Variants in SLC24A3 observed in about 807,000 individuals in gnomAD.
SLC24A3 encodes solute carrier family 24 member 3.
A neutral mutation model predicts 75.8 loss-of-function variants in SLC24A3; 28 were observed. The ratio of observed to expected loss-of-function variants is 0.37; its 90% CI spans 0.27 to 0.51. The LOEUF is 0.51. Among genes scored for constraint, SLC24A3 ranks in the 20% least tolerant of loss-of-function variants. SLC24A3 has a pLI of 0.94. For missense variants in SLC24A3, 663 were observed against 847.8 expected (o/e 0.78, Z 2.71); for synonymous variants, 372 against 334.1 (o/e 1.11, Z -1.24).
chr20:19,704,012 C>T (rs2032901031), intron 15 of SLC24A3, among the ~76,000 whole-genome samples: 1 of 152,224 alleles, frequency 6.6e-6, no homozygotes, highest in Non-Finnish European at 1.5e-5. Context: ...CTTACCTTTA[C>T]CCCTTGGTCT....
At chr20:19,344,727 G>A (rs1475845862) in intron 2 of SLC24A3, among the ~76,000 whole-genome samples, 1 of 152,162 alleles carries the variant, frequency 6.6e-6, no homozygotes, top group African/African-American at 2.4e-5. Flanking sequence ...TGCTTCTGGA[G>A]AAATTAACTC....
At chr20:19,293,581 G>A (rs922107507) in intron 2 of SLC24A3, among the ~76,000 whole-genome samples, 12 of 151,092 alleles carry the variant, frequency 7.9e-5, no homozygotes, top group Non-Finnish European at 1.5e-5. Flanking sequence ...ACTTGAACCC[G>A]GGAGATGGAG....
chr20:19,516,898 C>A (rs1193351323), intron 3 of SLC24A3, among the ~76,000 whole-genome samples: 1 of 152,190 alleles, frequency 6.6e-6, no homozygotes, highest in East Asian at 1.9e-4. Context: ...GCTTGAAGCC[C>A]ACTTCTGCTG....
intron 4 of SLC24A3, 71 bp from the exon 5 acceptor site, chr20:19,584,900 G>A (rs542839832): frequency 4.0e-5 from 56 of 1,414,656 alleles, no homozygotes; most frequent in Non-Finnish European, 4.7e-5. Flanking sequence ...TTGGACTCTC[G>A]GGTGTCACAG....
chr20:19,522,601 C>T (rs540141255), intron 3 of SLC24A3, among the ~76,000 whole-genome samples: 1 of 152,342 alleles, frequency 6.6e-6, no homozygotes, highest in African/African-American at 2.4e-5. Context: ...GCAAACGCCA[C>T]CAAAGGCAGC....
chr20:19,380,771 T>G (rs116314503), intron 2 of SLC24A3, among the ~76,000 whole-genome samples: 6 of 152,216 alleles, frequency 3.9e-5, no homozygotes. Context: ...AGAGGTAAAC[T>G]GATGTCCAAA....
At chr20:19,331,452 T>A (rs1320982370) in intron 2 of SLC24A3, among the ~76,000 whole-genome samples, 1 of 150,826 alleles carries the variant, frequency 6.6e-6, no homozygotes, top group African/African-American at 2.4e-5. Flanking sequence ...CATAGATAGA[T>A]GATAGAGAGA....
intron 2 of SLC24A3, among the ~76,000 whole-genome samples, chr20:19,394,247 A>G (rs542108873): frequency 1.3e-5 from 2 of 152,318 alleles, no homozygotes; most frequent in East Asian, 3.9e-4. Context: ...CTAAAAATAT[A>G]AAATTCTTAG....
rs146633132 is a variant in SLC24A3, at chr20:19,670,489, A to C, written c.714-3112A>C. ...AACAGAAGGGCTTTTGATGAGTAAAAAATTGAAAAGATCTAAAAGAATTAG... is the reference window on the plus strand; with the variant it reads ...AACAGAAGGGCTTTTGATGAGTAAACAATTGAAAAGATCTAAAAGAATTAG... On this transcript the variant is annotated intron_variant, in intron 8 of 16. Coordinates refer to ENST00000328041, the MANE Select transcript of SLC24A3 (RefSeq NM_020689.4). Among the ~76,000 whole-genome samples, 145 of 152,356 alleles carry C rather than the reference A, an allele frequency of 9.5e-4. 1 individual carries two copies. Among genetic ancestry groups the C allele is most frequent in the African/African-American group, 3.3e-3 (136 of 41,584 alleles).
At chr20:19,556,452 C>T (rs1261801406) in intron 3 of SLC24A3, among the ~76,000 whole-genome samples, 1 of 151,906 alleles carries the variant, frequency 6.6e-6, no homozygotes, top group Non-Finnish European at 1.5e-5. Context: ...TGAATAATTT[C>T]ACCATTAAGT....
chr20:19,448,237 G>GA (rs766270060), intron 2 of SLC24A3, among the ~76,000 whole-genome samples: 1 of 152,168 alleles, frequency 6.6e-6, no homozygotes, highest in Non-Finnish European at 1.5e-5. Flanking sequence ...CATGATCTGC[G>GA]ATTATTTTCG....
At chr20:19,582,340 A>G (rs2031229059) in intron 4 of SLC24A3, among the ~76,000 whole-genome samples, 1 of 152,228 alleles carries the variant, frequency 6.6e-6, no homozygotes, top group African/African-American at 2.4e-5. Context: ...AGTGGGGCAG[A>G]AAAACACAGA....
intron 2 of SLC24A3, among the ~76,000 whole-genome samples, chr20:19,452,724 G>A (rs1214223239): frequency 2.0e-5 from 3 of 151,924 alleles, no homozygotes; most frequent in African/African-American, 7.3e-5. Flanking sequence ...TCAGCAAGGT[G>A]ATTTATGGTT....
intron 2 of SLC24A3, among the ~76,000 whole-genome samples, chr20:19,320,705 G>C (rs934576540): frequency 6.6e-6 from 1 of 152,052 alleles, no homozygotes; most frequent in Non-Finnish European, 1.5e-5. Context: ...CCAAATCCCT[G>C]ATATGATCCT....
At chr20:19,246,817 G>A (rs1568567713) in intron 1 of SLC24A3, among the ~76,000 whole-genome samples, 1 of 151,950 alleles carries the variant, frequency 6.6e-6, no homozygotes, top group Non-Finnish European at 1.5e-5. Context: ...CTCCATCTCT[G>A]TCTGTCTCTA....
intron 1 of SLC24A3, among the ~76,000 whole-genome samples, chr20:19,229,735 T>A (rs1981964793): frequency 6.6e-6 from 1 of 152,144 alleles, no homozygotes; most frequent in African/African-American, 2.4e-5. Context: ...CATGAACTGT[T>A]TGTAATTTGG....
At chr20:19,717,048 C>T (rs1479359562) in intron 15 of SLC24A3, among the ~76,000 whole-genome samples, 2 of 152,220 alleles carry the variant, frequency 1.3e-5, no homozygotes, top group Non-Finnish European at 2.9e-5. Flanking sequence ...TTCTTCCCAT[C>T]AAGTTAGGGG....
chr20:19,665,736 C>T, intron 7 of SLC24A3, 128 bp from the exon 8 acceptor site: 1 of 1,255,118 alleles, frequency 8.0e-7, no homozygotes. Flanking sequence ...CCAGGACAAC[C>T]CAGTCCTGAT....
At chr20:19,370,492 A>C (rs981743166) in intron 2 of SLC24A3, among the ~76,000 whole-genome samples, 2 of 152,254 alleles carry the variant, frequency 1.3e-5, no homozygotes, top group Admixed American at 1.3e-4. Context: ...CATCTAATGC[A>C]TGAAAGTGGC....
Sources: allele counts gnomAD v4.1 joint callset (sites outside exome capture counted in the v4.1 genomes callset), GRCh38; gene constraint gnomAD v4.1.1; transcripts MANE v1.5; gene names NCBI Gene and HGNC (gene_info 2026-07-23, HGNC 2026-07-21).